The following BIRC6 variants were observed in gnomAD, a reference collection of about 807,000 sequenced individuals.
The protein encoded by BIRC6 is dual E2 ubiquitin-conjugating enzyme/E3 ubiquitin-protein ligase BIRC6.
In BIRC6, 98 loss-of-function variants were observed where a neutral mutation model predicts 503.3. That is an observed-to-expected ratio of 0.19 (90% confidence interval 0.17 to 0.23). BIRC6 has a LOEUF of 0.23. Among genes scored for constraint, BIRC6 ranks in the 10% least tolerant of loss-of-function variants. The pLI is 1.00. For missense variants in BIRC6, 5,360 were observed against 5,806.0 expected, an observed-to-expected ratio of 0.92 and a Z score of 2.50; for synonymous variants, 2,240 against 2,078.7, an observed-to-expected ratio of 1.08 and a Z score of -2.11.
At chr2:32,421,008 T>A (rs1421964642) in intron 10 of BIRC6, among the ~76,000 whole-genome samples, 1 of 151,886 alleles carries the variant, frequency 6.6e-6, no homozygotes, top group African/African-American at 2.4e-5. Flanking sequence ...ATTTTTCTGT[T>A]TTCCCATTTA....
intron 4 of BIRC6, 99 bp downstream of exon 4, chr2:32,389,042 T>C (rs2038870854): frequency 3.6e-6 from 3 of 830,648 alleles, no homozygotes; most frequent in Non-Finnish European, 5.0e-6. Context: ...TTTTTAAAAA[T>C]TTCACAATTT....
At chr2:32,447,336 G>A (rs2046112855) in intron 21 of BIRC6, among the ~76,000 whole-genome samples, 1 of 151,232 alleles carries the variant, frequency 6.6e-6, no homozygotes, top group Non-Finnish European at 1.5e-5. Flanking sequence ...CGGCCGGGCA[G>A]AAGCGCCCCT....
intron 66 of BIRC6, among the ~76,000 whole-genome samples, chr2:32,579,301 C>T (rs1248895056): frequency 6.6e-6 from 1 of 151,876 alleles, no homozygotes; most frequent in African/African-American, 2.4e-5. Context: ...TATCCTGAGG[C>T]CACTGCCTAA....
intron 70 of BIRC6, chr2:32,602,801 A>G (rs547890423): frequency 4.3e-6 from 2 of 464,446 alleles, no homozygotes; most frequent in East Asian, 6.7e-5. Context: ...GTTTTGCATT[A>G]TGAAAAAGTT....
chr2:32,369,335 G>A (rs995410001), intron 1 of BIRC6, among the ~76,000 whole-genome samples: 2 of 151,952 alleles, frequency 1.3e-5, no homozygotes, highest in African/African-American at 2.4e-5. Context: ...ATAGAAATTC[G>A]CAAGGGCACA....
chr2:32,566,768 GT>G (rs1211965668), intron 65 of BIRC6, among the ~76,000 whole-genome samples: 1 of 151,988 alleles, frequency 6.6e-6, no homozygotes, highest in Non-Finnish European at 1.5e-5. Context: ...TTCATCATAA[GT>G]TTTTTTGTGT....
At chr2:32,549,846 C>G (rs941911253) in intron 65 of BIRC6, among the ~76,000 whole-genome samples, 2 of 152,080 alleles carry the variant, frequency 1.3e-5, no homozygotes, top group Non-Finnish European at 2.9e-5. Context: ...CAAACACTAT[C>G]GCAGACAACA....
chr2:32,422,941 A>AT (rs991648091), intron 10 of BIRC6, among the ~76,000 whole-genome samples: 2 of 151,792 alleles, frequency 1.3e-5, no homozygotes, highest in Non-Finnish European at 2.9e-5. Flanking sequence ...GGGGCTCTCT[A>AT]TTTTTTTATT....
At chr2:32,588,216 G>T (rs1438956900) in intron 66 of BIRC6, among the ~76,000 whole-genome samples, 1 of 152,090 alleles carries the variant, frequency 6.6e-6, no homozygotes, top group African/African-American at 2.4e-5. Context: ...CTAGCCAGGC[G>T]TGGTGGTAGG....
At chr2:32,613,665 AC>A (rs2063039440) in intron 73 of BIRC6, among the ~76,000 whole-genome samples, 1 of 152,064 alleles carries the variant, frequency 6.6e-6, no homozygotes, top group Non-Finnish European at 1.5e-5. Context: ...TGACTGATAG[AC>A]TATTAGATCA....
At position 32,596,338 on chromosome 2, in the gene BIRC6, G is replaced by A. The variant is rs369592622; in HGVS notation, c.13612+1194G>A. Among the ~76,000 whole-genome samples the A allele has an allele frequency of 9.9e-5, 15 of 151,986 alleles. No homozygotes were observed. In the South Asian group the frequency reaches 1.7e-3, roughly 17 times the overall value. On this transcript the variant is annotated intron_variant, in intron 68 of 73. Coordinates refer to ENST00000421745, the MANE Select transcript of BIRC6 (RefSeq NM_016252.4). ...CTATTAAAAATACAAAAATTAGCTG[G>A]GCATGGTGGCAGGCGCCTGTAACCC...
chr2:32,466,779 CTTACTG>C (rs1409962705), intron 26 of BIRC6, among the ~76,000 whole-genome samples: 1 of 152,060 alleles, frequency 6.6e-6, no homozygotes, highest in Non-Finnish European at 1.5e-5. Context: ...CAGTAGCAGT[CTTACTG>C]TTGTTTTTTT....
intron 27 of BIRC6, 37 bp from the exon 28 acceptor site, chr2:32,467,866 A>G (rs777625062): frequency 2.6e-6 from 4 of 1,512,714 alleles, no homozygotes; most frequent in Admixed American, 1.9e-5. Context: ...ATTGTGGCAG[A>G]TGTGTATATA....
At chr2:32,617,107 G>A (rs2063294082) in intron 73 of BIRC6, among the ~76,000 whole-genome samples, 1 of 151,480 alleles carries the variant, frequency 6.6e-6, no homozygotes, top group Admixed American at 6.6e-5. Flanking sequence ...CAAAATAAGA[G>A]AATATATGTA....
chr2:32,573,782 G>A (rs1459389178), intron 65 of BIRC6, among the ~76,000 whole-genome samples: 1 of 152,072 alleles, frequency 6.6e-6, no homozygotes, highest in East Asian at 1.9e-4. Flanking sequence ...TATTGAAATA[G>A]ACTCTGGATA....
chr2:32,407,134 A>G (rs2041308813), intron 9 of BIRC6, among the ~76,000 whole-genome samples: 1 of 152,126 alleles, frequency 6.6e-6, no homozygotes, highest in Non-Finnish European at 1.5e-5. Context: ...TGGTGGTATT[A>G]AAGTCTGTTA....
intron 1 of BIRC6, among the ~76,000 whole-genome samples, chr2:32,363,848 C>T (rs953731831): frequency 6.6e-6 from 1 of 152,146 alleles, no homozygotes; most frequent in African/African-American, 2.4e-5. Context: ...AATGCTAATT[C>T]CTTTGAGTCT....
At chr2:32,431,167 A>G in intron 12 of BIRC6, 77 bp downstream of exon 12, 1 of 227,972 alleles carries the variant, frequency 4.4e-6, no homozygotes, top group Non-Finnish European at 8.8e-6. Context: ...ATTCCTAGGT[A>G]TATTACTGTT....
At chr2:32,467,460 T>C in intron 26 of BIRC6, 65 bp from the exon 27 acceptor site, 1 of 1,281,148 alleles carries the variant, frequency 7.8e-7, no homozygotes, top group Non-Finnish European at 1.1e-6. Context: ...CTCCAAATTA[T>C]TTTTGAGTGT....
Sources: allele counts gnomAD v4.1 joint callset (sites outside exome capture counted in the v4.1 genomes callset), GRCh38; gene constraint gnomAD v4.1.1; transcripts MANE v1.5; gene names NCBI Gene and HGNC (gene_info 2026-07-23, HGNC 2026-07-21).